Variants in SLC1A2 observed in about 807,000 individuals in gnomAD.
SLC1A2 encodes the protein excitatory amino acid transporter 2.
SLC1A2 carries 15 observed loss-of-function variants against 48.8 expected under a neutral mutation model. That is an observed-to-expected ratio of 0.31 (90% CI 0.21 to 0.47). The LOEUF is 0.47. Ranked by LOEUF, SLC1A2 falls within the 20% of genes least tolerant of loss-of-function variation. The pLI is 0.99. For missense variants in SLC1A2, 502 were observed against 730.5 expected, an observed-to-expected ratio of 0.69 and a Z score of 3.61; for synonymous variants, 279 against 272.6, an observed-to-expected ratio of 1.02 and a Z score of -0.23.
At chr11:35,301,468 C>T in intron 6 of SLC1A2, 51 bp downstream of exon 6, 1 of 1,595,216 alleles carries the variant, frequency 6.3e-7, no homozygotes, top group East Asian at 2.2e-5. Context: ...CCTCTGGGGA[C>T]CCCAAGGCTT....
At chr11:35,316,947 C>T (rs1045204991) in intron 2 of SLC1A2, 9 of 159,324 alleles carry the variant, frequency 5.6e-5, no homozygotes, top group Non-Finnish European at 1.2e-4. Flanking sequence ...TGAAGAAGCT[C>T]AGACCTTGGG....
intron 1 of SLC1A2, among the ~76,000 whole-genome samples, chr11:35,337,943 G>T (rs918059572): frequency 6.6e-6 from 1 of 152,050 alleles, no homozygotes; most frequent in African/African-American, 2.4e-5. Context: ...CATTATCATT[G>T]TTATTATCCT....
At chr11:35,303,732 T>C (rs192061477) in intron 5 of SLC1A2, among the ~76,000 whole-genome samples, 13 of 152,104 alleles carry the variant, frequency 8.5e-5, no homozygotes, top group African/African-American at 2.9e-4. Context: ...AAAGGAACAG[T>C]TGGAGTTGAT....
At chr11:35,264,092 T>A (rs981827182) in intron 10 of SLC1A2, 1 of 152,244 alleles carries the variant, frequency 6.6e-6, no homozygotes, top group Non-Finnish European at 1.5e-5. Flanking sequence ...TGAATCATTT[T>A]CACTGAGTCA....
At chr11:35,382,233 A>G (rs530056671) in intron 1 of SLC1A2, among the ~76,000 whole-genome samples, 2 of 152,210 alleles carry the variant, frequency 1.3e-5, no homozygotes, top group Non-Finnish European at 2.9e-5. Flanking sequence ...TTTACTTACC[A>G]TTTGTTTCAT....
intron 8 of SLC1A2, among the ~76,000 whole-genome samples, chr11:35,284,090 TA>T (rs1565213148): frequency 1.1e-4 from 14 of 130,290 alleles, no homozygotes; most frequent in African/African-American, 4.5e-4. Context: ...GATTTTATTA[TA>T]TATATATATA....
chr11:35,287,381 G>A (rs1356707217), intron 7 of SLC1A2, among the ~76,000 whole-genome samples: 1 of 152,032 alleles, frequency 6.6e-6, no homozygotes, highest in Non-Finnish European at 1.5e-5. Flanking sequence ...ATAATTTCAT[G>A]CTAGAAATGC....
chr11:35,273,600 A>G (rs1441044435), intron 9 of SLC1A2, among the ~76,000 whole-genome samples: 1 of 152,086 alleles, frequency 6.6e-6, no homozygotes, highest in Admixed American at 6.5e-5. Context: ...TCCAGGTGAA[A>G]AGGGGATCAG....
chr11:35,298,438 A>G (rs555384675), intron 6 of SLC1A2: 38 of 152,296 alleles, frequency 2.5e-4, no homozygotes, highest in Middle Eastern at 3.4e-3. Context: ...TGATTTTTTT[A>G]AGCTTTGAGG....
At chr11:35,292,557 A>G in intron 6 of SLC1A2, 37 bp from the exon 7 acceptor site, 1 of 1,342,522 alleles carries the variant, frequency 7.4e-7, no homozygotes, top group African/African-American at 1.4e-5. Flanking sequence ...CATTGAAGAG[A>G]TCATTAGGGA....
At chr11:35,305,635 G>T (rs865828727) in intron 5 of SLC1A2, among the ~76,000 whole-genome samples, 2 of 152,234 alleles carry the variant, frequency 1.3e-5, no homozygotes, top group Non-Finnish European at 2.9e-5. Context: ...AATCCTGGTA[G>T]CATTGCATTT....
intron 9 of SLC1A2, 129 bp downstream of exon 9, chr11:35,280,738 G>A (rs1850601057): frequency 3.4e-6 from 2 of 591,076 alleles, no homozygotes; most frequent in Non-Finnish European, 6.0e-6. Flanking sequence ...ATGTGAGCGG[G>A]AAGGAGGAAG....
chr11:35,413,185 A>G (rs567137503), intron 1 of SLC1A2, among the ~76,000 whole-genome samples: 124 of 152,306 alleles, frequency 8.1e-4, no homozygotes, highest in Non-Finnish European at 1.4e-3. Flanking sequence ...ACTGTGCCCA[A>G]CCTGAAAGGC....
At chr11:35,267,114 A>C (rs773672229) in intron 9 of SLC1A2, among the ~76,000 whole-genome samples, 2 of 152,230 alleles carry the variant, frequency 1.3e-5, no homozygotes, top group African/African-American at 2.4e-5. Flanking sequence ...TCGGGTCTAC[A>C]TCTGAGTGAA....
At chr11:35,286,397 C>A in intron 8 of SLC1A2, 1 of 161,376 alleles carries the variant, frequency 6.2e-6, no homozygotes, top group Non-Finnish European at 1.3e-5. Flanking sequence ...TGATGTTGGC[C>A]TCACTTACAG....
At chr11:35,332,945 C>T (rs943886889) in intron 1 of SLC1A2, among the ~76,000 whole-genome samples, 1 of 152,208 alleles carries the variant, frequency 6.6e-6, no homozygotes, top group Non-Finnish European at 1.5e-5. Context: ...CTTCAGTTCT[C>T]GCTCTTAACT....
rs551924240 is a variant in SLC1A2 at position 35,368,191 on chromosome 11, C to A, written c.18-50675G>T. ...TCATGTGCCCCCTAAAATCATCTTT[C>A]AATTCATCAGAACATTCATTTCACA... On this transcript the variant is annotated intron_variant, in intron 1 of 10. Coordinates refer to ENST00000278379, the MANE Select transcript of SLC1A2 (RefSeq NM_004171.4). 2.6e-5 allele frequency among the ~76,000 whole-genome samples: 4 copies of A among 152,346 alleles called. No homozygotes were observed. In the South Asian group the frequency reaches 8.3e-4, roughly 32 times the overall value.
At chr11:35,374,409 C>T (rs1565285552) in intron 1 of SLC1A2, 11 of 514,880 alleles carry the variant, frequency 2.1e-5, no homozygotes. Flanking sequence ...GGTCACCTGT[C>T]TGGAGCAAAG....
chr11:35,267,843 T>G (rs1457005312), intron 9 of SLC1A2, among the ~76,000 whole-genome samples: 1 of 152,204 alleles, frequency 6.6e-6, no homozygotes, highest in Non-Finnish European at 1.5e-5. Context: ...AGCAGATAGC[T>G]AATAGTTAAA....
Sources: allele counts gnomAD v4.1 joint callset (sites outside exome capture counted in the v4.1 genomes callset), GRCh38; gene constraint gnomAD v4.1.1; transcripts MANE v1.5; gene names NCBI Gene and HGNC (gene_info 2026-07-23, HGNC 2026-07-21).